CEP162: variants seen among roughly 807,000 people sequenced by gnomAD.
CEP162 encodes centrosomal protein 162, also known as centrosomal protein of 162 kDa.
A neutral mutation model predicts 169.2 loss-of-function variants in CEP162; 141 were observed. That is an observed-to-expected ratio of 0.83 (90% CI 0.73 to 0.96). The LOEUF is 0.96. Among genes scored for constraint, CEP162 ranks in the 40% least tolerant of loss-of-function variants. The pLI, the probability that CEP162 is intolerant of heterozygous loss-of-function variation, is 0.00. For missense variants in CEP162, 1,600 were observed against 1,587.2 expected, an observed-to-expected ratio of 1.01 and a Z score of -0.14; for synonymous variants, 540 against 526.4, an observed-to-expected ratio of 1.03 and a Z score of -0.35.
At chr6:84,187,777 A>T (rs1055802383) in intron 11 of CEP162, among the ~76,000 whole-genome samples, 4 of 152,202 alleles carry the variant, frequency 2.6e-5, no homozygotes, top group Admixed American at 2.6e-4. Context: ...ACCACATGCC[A>T]GCCGACCATG....
chr6:84,145,614 C>CT (rs979577764), intron 25 of CEP162, among the ~76,000 whole-genome samples: 1 of 152,004 alleles, frequency 6.6e-6, no homozygotes, highest in African/African-American at 2.4e-5. Context: ...GTCTAGATCT[C>CT]TGTCTATAAT....
At chr6:84,205,470 A>G (rs1369571394) in intron 6 of CEP162, among the ~76,000 whole-genome samples, 1 of 152,242 alleles carries the variant, frequency 6.6e-6, no homozygotes, top group Non-Finnish European at 1.5e-5. Context: ...AACAAAAACC[A>G]CATGATTATC....
At chr6:84,198,270 T>G (rs2099542968) in intron 9 of CEP162, among the ~76,000 whole-genome samples, 1 of 152,054 alleles carries the variant, frequency 6.6e-6, no homozygotes, top group African/African-American at 2.4e-5. Context: ...ATATTTTATT[T>G]TATTTTATTT....
intron 16 of CEP162, 93 bp downstream of exon 16, chr6:84,173,955 G>A: frequency 5.8e-6 from 6 of 1,036,468 alleles, no homozygotes; most frequent in Non-Finnish European, 7.1e-6. Flanking sequence ...AAAGTGCTGG[G>A]ATTACAGGCA....
At chr6:84,160,582 A>G (rs1014736701) in intron 21 of CEP162, among the ~76,000 whole-genome samples, 1 of 152,132 alleles carries the variant, frequency 6.6e-6, no homozygotes, top group African/African-American at 2.4e-5. Context: ...GTACCAAATA[A>G]CCTTTATCAA....
chr6:84,183,328 G>T (rs1175357444), intron 13 of CEP162, among the ~76,000 whole-genome samples: 1 of 151,694 alleles, frequency 6.6e-6, no homozygotes, highest in East Asian at 1.9e-4. Context: ...TTCATTCTTG[G>T]TCATTTCAGC....
Position 84,152,787 on chromosome 6 carries a change from T to C in CEP162, c.3387A>G (p.Glu1129=), listed in dbSNP as rs1352455603. The change falls in exon 23 of 27, where the codon GAA becomes GAG. Residue 1129 remains glutamate, a synonymous_variant. Transcript: ENST00000403245. The stretch of plus-strand genomic sequence containing the variant: ...CTTTCTTTGCCCTTTTGGCAGACAT[T>C]TCCTCTCTGCCCTTTGAGTTCTGAT... The part of the protein sequence containing the change: ...LSNQNSKGRE[E]MSAKRAKKDV... 6.2e-7 allele frequency: 1 copy of C among 1,613,490 alleles called. No homozygotes were observed. Among genetic ancestry groups the C allele is most frequent in the Non-Finnish European group, 8.5e-7 (1 of 1,179,678 alleles).
intron 9 of CEP162, among the ~76,000 whole-genome samples, chr6:84,199,184 C>T (rs139767855): frequency 2.0e-5 from 3 of 152,094 alleles, no homozygotes; most frequent in East Asian, 1.9e-4. Flanking sequence ...GTATGTGACA[C>T]GGTTCCTTAA....
At position 84,161,795 on chromosome 6, in the gene CEP162, G is replaced by T; in HGVS notation, c.2627C>A (p.Ala876Glu). 6.2e-7 allele frequency: 1 copy of T among 1,601,558 alleles called. No homozygotes were observed. Among genetic ancestry groups the T allele is most frequent in the Admixed American group, 1.7e-5 (1 of 58,356 alleles). ...CTCATTTGCTTCTCTAAGCCGAAGTGCATCTTTATCCAGAAGTTCCTGATT... is the reference window on the plus strand; with the variant it reads ...CTCATTTGCTTCTCTAAGCCGAAGTTCATCTTTATCCAGAAGTTCCTGATT... ...AENQELLDKD[A>E]LRLREANEEI... The change falls in exon 20 of 27, where the codon GCA becomes GAA. Residue 876 changes from alanine (A) to glutamate (E), a missense_variant. By Grantham distance (107) the Ala-to-Glu change is moderately radical (BLOSUM62 -1). Transcript: ENST00000403245.
At chr6:84,147,278 A>C (rs1026856735) in intron 24 of CEP162, among the ~76,000 whole-genome samples, 4 of 152,140 alleles carry the variant, frequency 2.6e-5, no homozygotes, top group Non-Finnish European at 5.9e-5. Flanking sequence ...TGAGAGCTAA[A>C]AAACTTGATC....
At chr6:84,197,226 A>T (rs1752147563) in intron 9 of CEP162, among the ~76,000 whole-genome samples, 3 of 151,702 alleles carry the variant, frequency 2.0e-5, no homozygotes, top group African/African-American at 7.3e-5. Flanking sequence ...AAAACAAATG[A>T]CCTAAAAGTT....
chr6:84,215,721 G>T, intron 4 of CEP162, 55 bp downstream of exon 4: 7 of 1,522,022 alleles, frequency 4.6e-6, no homozygotes, highest in Non-Finnish European at 6.2e-6. Flanking sequence ...TTGTAATTCT[G>T]AATATAAGCA....
intron 24 of CEP162, among the ~76,000 whole-genome samples, chr6:84,147,802 CATAATATCTGTGAA>C (rs1376272837): frequency 6.6e-6 from 1 of 152,008 alleles, no homozygotes; most frequent in Admixed American, 6.6e-5. Context: ...ACATAAGCCT[CATAATATCTGTGAA>C]ATAAATGTCA....
chr6:84,205,512 T>A (rs1028493063), intron 6 of CEP162, among the ~76,000 whole-genome samples: 1 of 152,164 alleles, frequency 6.6e-6, no homozygotes, highest in East Asian at 1.9e-4. Flanking sequence ...TTTGACAAAA[T>A]TCAACAGCCC....
chr6:84,142,507 A>C (rs1007989778), intron 25 of CEP162, among the ~76,000 whole-genome samples: 6 of 152,170 alleles, frequency 3.9e-5, no homozygotes, highest in Admixed American at 2.0e-4. Context: ...ACAGAAAAAG[A>C]AGCACTTACA....
chr6:84,152,607 C>T lies in CEP162; in HGVS notation c.3567G>A (p.Glu1189=), dbSNP rs1415482702. ...CAGATTTCATCTTCAGTTCATTCTT[C>T]TCTGAAATTAATCCTTCTAGCTCAT... The part of the protein sequence containing the change: ...LKNELEGLIS[E]KNELKMKSEA... The change falls in exon 23 of 27, where the codon GAG becomes GAA. Residue 1189 remains glutamate (E), a synonymous_variant. Coordinates refer to ENST00000403245, the MANE Select transcript of CEP162 (RefSeq NM_014895.4). 1 of 1,560,694 alleles carries T rather than the reference C, an allele frequency of 6.4e-7. No homozygotes were observed. Among genetic ancestry groups the T allele is most frequent in the Non-Finnish European group, 8.7e-7 (1 of 1,151,272 alleles).
At chr6:84,206,613 A>C (rs2099547225) in intron 6 of CEP162, among the ~76,000 whole-genome samples, 1 of 152,210 alleles carries the variant, frequency 6.6e-6, no homozygotes, top group South Asian at 2.1e-4. Context: ...AAACCATAAA[A>C]ACCCTAAAAG....
At chr6:84,149,467 TA>T in intron 24 of CEP162, 94 bp downstream of exon 24, 1 of 1,023,708 alleles carries the variant, frequency 9.8e-7, no homozygotes, top group Non-Finnish European at 1.3e-6. Flanking sequence ...CTGAAAAAGT[TA>T]AAACATTTCC....
At chr6:84,164,030 AGTGGGT>A (rs1257956024) in intron 18 of CEP162, among the ~76,000 whole-genome samples, 2 of 151,920 alleles carry the variant, frequency 1.3e-5, no homozygotes, top group Non-Finnish European at 1.5e-5. Flanking sequence ...ACCATCAAAA[AGTGGGT>A]GAAGGATATA....
Sources: gnomAD v4.1 joint callset for allele counts (sites outside exome capture counted in the v4.1 genomes callset) on GRCh38, gnomAD v4.1.1 for gene constraint, MANE v1.5 for transcripts, NCBI Gene and HGNC (gene_info 2026-07-23, HGNC 2026-07-21) for gene names.